Variants in SMURF2 observed in about 807,000 individuals in gnomAD.
SMURF2 encodes the protein E3 ubiquitin-protein ligase SMURF2.
In SMURF2, 48 loss-of-function variants were observed where a neutral mutation model predicts 109.6. That is an observed-to-expected ratio of 0.44 (90% CI 0.35 to 0.56). The LOEUF (loss-of-function observed/expected upper bound fraction) is 0.56. Ranked by LOEUF, SMURF2 falls within the 20% of genes least tolerant of loss-of-function variation. The pLI is 0.01. For synonymous variants in SMURF2, 288 were observed against 317.1 expected, an observed-to-expected ratio of 0.91 and a Z score of 0.97; for missense variants, 575 against 909.0, an observed-to-expected ratio of 0.63 and a Z score of 4.72.
At chr17:64,629,478 T>C (rs999566564) in intron 1 of SMURF2, among the ~76,000 whole-genome samples, 10 of 152,168 alleles carry the variant, frequency 6.6e-5, no homozygotes, top group African/African-American at 2.4e-4. Context: ...CACTCCACCC[T>C]GGACAACAGA....
chr17:64,551,661 A>AT lies in SMURF2; in HGVS notation c.1791dup (p.Phe598IlefsTer9). The AT allele has an allele frequency of 6.2e-7, 1 of 1,614,106 alleles. No homozygotes were observed. The highest frequency in any genetic ancestry group is 8.5e-7 in the Non-Finnish European group (1 of 1,179,996). On this transcript the variant is annotated frameshift_variant, in exon 16 of 19. Transcript: ENST00000262435. LOFTEE classifies it high-confidence loss of function. ...TTAAATCCTTTCTGCAGAGCCAAGA[A>AT]TTGAGCCTCAATGCCTCGTAAAAAT...
intron 3 of SMURF2, among the ~76,000 whole-genome samples, chr17:64,594,485 C>T (rs1555687920): frequency 6.6e-6 from 1 of 152,166 alleles, no homozygotes; most frequent in Non-Finnish European, 1.5e-5. Context: ...CAAATCAGTA[C>T]ATTCCCTTTT....
intron 16 of SMURF2, among the ~76,000 whole-genome samples, chr17:64,549,840 C>T (rs1423416995): frequency 1.3e-5 from 2 of 152,072 alleles, no homozygotes; most frequent in Non-Finnish European, 2.9e-5. Flanking sequence ...AAATCCTAAC[C>T]CTACCAAATA....
At chr17:64,648,034 G>T (rs1970582061) in intron 1 of SMURF2, among the ~76,000 whole-genome samples, 1 of 123,026 alleles carries the variant, frequency 8.1e-6, no homozygotes, top group South Asian at 2.5e-4. Flanking sequence ...TCCAGCCTGG[G>T]CAACACAGTG....
intron 1 of SMURF2, among the ~76,000 whole-genome samples, chr17:64,644,618 A>T (rs549218783): frequency 6.6e-6 from 1 of 151,586 alleles, no homozygotes; most frequent in African/African-American, 2.4e-5. Context: ...GAAAAAAAAA[A>T]AAATGCTGAG....
chr17:64,560,137 C>G (rs1389411650), intron 12 of SMURF2, among the ~76,000 whole-genome samples: 4 of 151,628 alleles, frequency 2.6e-5, no homozygotes, highest in African/African-American at 9.7e-5. Flanking sequence ...ATCACTTGTA[C>G]CTAGGAGTTC....
intron 1 of SMURF2, among the ~76,000 whole-genome samples, chr17:64,644,001 T>C (rs1169655729): frequency 1.3e-5 from 2 of 151,970 alleles, no homozygotes; most frequent in Non-Finnish European, 2.9e-5. Flanking sequence ...AATTTTTATA[T>C]TTTTAGTGGA....
chr17:64,620,214 A>C (rs1292299356), intron 1 of SMURF2, among the ~76,000 whole-genome samples: 6 of 152,200 alleles, frequency 3.9e-5, no homozygotes, highest in Non-Finnish European at 8.8e-5. Context: ...TCCAGTGTTC[A>C]CATTTAAATA....
At chr17:64,597,149 T>C (rs1479593415) in intron 3 of SMURF2, among the ~76,000 whole-genome samples, 1 of 152,270 alleles carries the variant, frequency 6.6e-6, no homozygotes, top group South Asian at 2.1e-4. Flanking sequence ...CCCACGCTTG[T>C]AATCCAAATA....
At chr17:64,566,593 A>ATTTTTTTTTTTTTTTTTT (rs1568176881) in intron 10 of SMURF2, among the ~76,000 whole-genome samples, 1 of 6,312 alleles carries the variant, frequency 1.6e-4, no homozygotes, top group Non-Finnish European at 3.2e-4. Context: ...TTTTTTTTTG[A>ATTTTTTTTTTTTTTTTTT]GACAGTCTCG....
intron 9 of SMURF2, among the ~76,000 whole-genome samples, chr17:64,576,607 T>C (rs1043262096): frequency 1.3e-5 from 2 of 151,122 alleles, no homozygotes; most frequent in South Asian, 4.2e-4. Context: ...GAGGTTGCAG[T>C]GAGCTGACAT....
chr17:64,549,625 G>A (rs782365757), intron 16 of SMURF2, among the ~76,000 whole-genome samples: 2 of 152,038 alleles, frequency 1.3e-5, no homozygotes, highest in Non-Finnish European at 2.9e-5. Flanking sequence ...GCATGGTGGT[G>A]CACACCTGAA....
chr17:64,659,639 C>A (rs1489202267), intron 1 of SMURF2, among the ~76,000 whole-genome samples: 2 of 151,862 alleles, frequency 1.3e-5, no homozygotes, highest in African/African-American at 4.8e-5. Context: ...ACATCAAACA[C>A]AGCCCTGTCA....
chr17:64,591,862 A>G (rs1312980800), intron 4 of SMURF2, among the ~76,000 whole-genome samples: 3 of 152,216 alleles, frequency 2.0e-5, no homozygotes, highest in African/African-American at 7.2e-5. Context: ...TTCCACTCCA[A>G]TCTGGTAGAA....
At chr17:64,643,287 T>G (rs1598312333) in intron 1 of SMURF2, among the ~76,000 whole-genome samples, 1 of 152,162 alleles carries the variant, frequency 6.6e-6, no homozygotes, top group East Asian at 1.9e-4. Flanking sequence ...CCTCCCAAAG[T>G]GCTGAGATTA....
rs553406822 is a variant in SMURF2, at chr17:64,594,934, G to A, written c.201-1361C>T. 2.6e-5 allele frequency among the ~76,000 whole-genome samples: 4 copies of A among 152,210 alleles called. No individual in the cohort carries two copies. The South Asian group carries it at 6.2e-4, about 24-fold the overall frequency. ...GAACCCGGGAGGCGGAGGTTGTGGTGAGCCTAGATTGCGTCACTGCACTCC... is the reference window on the plus strand; with the variant it reads ...GAACCCGGGAGGCGGAGGTTGTGGTAAGCCTAGATTGCGTCACTGCACTCC... On this transcript the variant is annotated intron_variant, in intron 3 of 18. Coordinates refer to ENST00000262435, the MANE Select transcript of SMURF2 (RefSeq NM_022739.4).
chr17:64,595,810 C>A (rs1391759203), intron 3 of SMURF2, among the ~76,000 whole-genome samples: 1 of 152,178 alleles, frequency 6.6e-6, no homozygotes, highest in Non-Finnish European at 1.5e-5. Context: ...CCAGATACAA[C>A]TTCATACCCA....
At chr17:64,566,561 G>GTTTTTTTTTTGTTTTTT (rs1969306761) in intron 10 of SMURF2, among the ~76,000 whole-genome samples, 1 of 43,784 alleles carries the variant, frequency 2.3e-5, no homozygotes, top group Non-Finnish European at 4.2e-5. Context: ...AAGCTTTCTG[G>GTTTTTTTTTTGTTTTTT]TTTTTTTTTT....
intron 1 of SMURF2, among the ~76,000 whole-genome samples, chr17:64,607,305 T>TA (rs1407583316): frequency 2.0e-5 from 3 of 152,222 alleles, no homozygotes; most frequent in East Asian, 1.9e-4. Context: ...GTGAACACAC[T>TA]AAAAAATATT....
Sources: gnomAD v4.1 joint callset for allele counts (sites outside exome capture counted in the v4.1 genomes callset) on GRCh38, gnomAD v4.1.1 for gene constraint, MANE v1.5 for transcripts, NCBI Gene and HGNC (gene_info 2026-07-23, HGNC 2026-07-21) for gene names.